Variants in TJP1 observed in about 807,000 individuals in gnomAD.
TJP1 encodes the protein tight junction protein 1, also known as tight junction protein ZO-1.
TJP1 carries 43 observed loss-of-function variants against 194.2 expected under a neutral mutation model. That is an observed-to-expected ratio of 0.22 (90% CI 0.17 to 0.29). The LOEUF (loss-of-function observed/expected upper bound fraction) is 0.29, where lower values mean the gene tolerates loss of function less well. TJP1 is among the 10% of genes least tolerant of loss of function. The probability of loss-of-function intolerance (pLI) is 1.00; values close to 1 mark genes in which losing one functional copy is unlikely to be tolerated. For missense variants in TJP1, 1,971 were observed against 2,185.7 expected, an observed-to-expected ratio of 0.90 and a Z score of 1.96; for synonymous variants, 801 against 779.0, an observed-to-expected ratio of 1.03 and a Z score of -0.47.
rs746419821 is a variant in TJP1, at chr15:29,734,355, T to A, written c.1435A>T (p.Ile479Leu). The change falls in exon 12 of 28, where the codon ATA becomes TTA. Residue 479 changes from isoleucine (I) to leucine (L), a missense_variant. Transcript: ENST00000614355. ...AGGAAAAGGACGGCTTCTTCTCTTA[T>A]GATATTTGTAAAATCTACGTTGTTT... Reference protein sequence around the residue: ...RVNNVDFTNIIREEAVLFLLD... With the variant: ...RVNNVDFTNILREEAVLFLLD... 8.7e-6 allele frequency: 14 copies of A among 1,613,100 alleles called. No homozygotes were observed. The highest frequency in any genetic ancestry group is 1.2e-5 in the Non-Finnish European group (14 of 1,179,552).
At chr15:29,720,972 A>C (rs745350445) in intron 18 of TJP1, among the ~76,000 whole-genome samples, 3 of 152,158 alleles carry the variant, frequency 2.0e-5, no homozygotes, top group Non-Finnish European at 4.4e-5. Context: ...CCAGCCCTGG[A>C]AGACAACGAA....
intron 2 of TJP1, among the ~76,000 whole-genome samples, chr15:29,945,320 T>C (rs985059070): frequency 6.6e-6 from 1 of 152,224 alleles, no homozygotes; most frequent in Non-Finnish European, 1.5e-5. Flanking sequence ...GTAAGAACTT[T>C]TATTCTAAGA....
chr15:29,708,650 C>T lies in TJP1; in HGVS notation c.4759G>A (p.Asp1587Asn). The change falls in exon 25 of 28, where the codon GAC (aspartate) becomes AAC (asparagine). Residue 1587 changes from aspartate (D) to asparagine (N), a missense_variant. Physicochemically the swap from Asp to Asn is conservative, Grantham distance 23. Coordinates refer to ENST00000614355, the MANE Select transcript of TJP1 (RefSeq NM_001330239.4). ...ATAGAGAAAGTTTCAACTCCACTGT[C>T]AAACTCAGGAGGCTGTGCCAAACTG... ...SHSLAQPPEF[D>N]SGVETFSIHA... 2 of 1,614,202 alleles carry T rather than the reference C, an allele frequency of 1.2e-6. No homozygotes were observed. Among genetic ancestry groups the T allele is most frequent in the Non-Finnish European group, 8.5e-7 (1 of 1,180,042 alleles).
intron 13 of TJP1, 53 bp downstream of exon 13, chr15:29,733,041 A>C: frequency 1.3e-6 from 2 of 1,564,430 alleles, no homozygotes; most frequent in Admixed American, 1.7e-5. Context: ...GATTGAAATG[A>C]TCTATCATCA....
intron 2 of TJP1, among the ~76,000 whole-genome samples, chr15:29,869,795 CTTTTTTTTTTTTT>C (rs11318770): frequency 2.1e-4 from 12 of 56,062 alleles, no homozygotes; most frequent in African/African-American, 6.0e-4. Context: ...TTCTTTCTTT[CTTTTTTTTTTTTT>C]TTTTTTTTTT....
At position 29,719,879 on chromosome 15, in the gene TJP1, G is replaced by T. The variant is rs750587547; in HGVS notation, c.2901C>A (p.Tyr967Ter). Residue 967 changes from tyrosine (Y) to a stop codon, truncating the protein, a stop_gained, in exon 20 of 28, where the codon TAC (tyrosine) becomes TAA (stop). Coordinates refer to ENST00000614355, the MANE Select transcript of TJP1 (RefSeq NM_001330239.4). LOFTEE classifies it high-confidence loss of function. ...EEPTPAPSTSYSPQADSLRTP... is the reference protein window; with the variant it reads ...EEPTPAPSTS ...TTCTTAAAGAATCAGCTTGTGGTGA[G>T]TAAGAGGTGGAAGGAGCTGGGGTGG... is the stretch of plus-strand genomic sequence containing the variant. The T allele has an allele frequency of 6.2e-7, 1 of 1,614,088 alleles. No individual in the cohort carries two copies.
chr15:29,734,428 T>A, intron 11 of TJP1, 46 bp from the exon 12 acceptor site: 1 of 1,392,280 alleles, frequency 7.2e-7, no homozygotes, highest in Non-Finnish European at 1.0e-6. Flanking sequence ...TTTAAGAATA[T>A]GAAAATAACA....
intron 2 of TJP1, among the ~76,000 whole-genome samples, chr15:29,930,378 C>G (rs1285912429): frequency 6.6e-6 from 1 of 152,140 alleles, no homozygotes; most frequent in Non-Finnish European, 1.5e-5. Context: ...ACACCATTGT[C>G]AAGTACAAGT....
At chr15:29,799,608 G>T (rs1012331550) in intron 2 of TJP1, among the ~76,000 whole-genome samples, 1 of 151,882 alleles carries the variant, frequency 6.6e-6, no homozygotes, top group Non-Finnish European at 1.5e-5. Context: ...GTACAGACAG[G>T]GTTTCACCAT....
chr15:29,922,114 C>T (rs547288680), intron 2 of TJP1, among the ~76,000 whole-genome samples: 2 of 152,040 alleles, frequency 1.3e-5, no homozygotes, highest in Admixed American at 6.5e-5. Flanking sequence ...CCCAAAGTGT[C>T]GGGATTACAG....
chr15:29,809,551 A>T (rs1438777955), intron 1 of TJP1, among the ~76,000 whole-genome samples: 1 of 152,202 alleles, frequency 6.6e-6, no homozygotes, highest in Non-Finnish European at 1.5e-5. Flanking sequence ...CACAATTAGA[A>T]AACACTAAAC....
At chr15:29,723,475 A>G (rs2043057774) in intron 18 of TJP1, among the ~76,000 whole-genome samples, 1 of 152,168 alleles carries the variant, frequency 6.6e-6, no homozygotes, top group South Asian at 2.1e-4. Flanking sequence ...CCTCCCCAGA[A>G]GCAGGAGCCT....
chr15:29,765,986 G>T (rs2046307313), intron 5 of TJP1, among the ~76,000 whole-genome samples: 1 of 152,190 alleles, frequency 6.6e-6, no homozygotes, highest in Non-Finnish European at 1.5e-5. Context: ...TCCATTTGGT[G>T]ATGGTGTGAC....
upstream of TJP1, among the ~76,000 whole-genome samples, chr15:29,824,261 T>C (rs1351629353): frequency 2.0e-5 from 3 of 151,336 alleles, no homozygotes; most frequent in East Asian, 1.9e-4. Context: ...CTGGCCGACA[T>C]GGTGAAACCC....
At chr15:29,756,950 T>C (rs1298311049) in intron 8 of TJP1, among the ~76,000 whole-genome samples, 2 of 152,200 alleles carry the variant, frequency 1.3e-5, no homozygotes, top group African/African-American at 4.8e-5. Context: ...TTCTAACTTA[T>C]GATACTATTA....
chr15:29,806,160 G>A (rs1402098814), intron 1 of TJP1, among the ~76,000 whole-genome samples: 1 of 152,232 alleles, frequency 6.6e-6, no homozygotes, highest in East Asian at 1.9e-4. Flanking sequence ...AAGTTAGTGA[G>A]AAGTGTGGGT....
intron 2 of TJP1, among the ~76,000 whole-genome samples, chr15:29,913,120 TACAA>T (rs2054073073): frequency 6.6e-6 from 1 of 151,818 alleles, no homozygotes; most frequent in Non-Finnish European, 1.5e-5. Flanking sequence ...CAAAAAGTTC[TACAA>T]ACTCACAGCA....
chr15:29,810,545 A>G (rs1238638322), intron 1 of TJP1, among the ~76,000 whole-genome samples: 1 of 152,164 alleles, frequency 6.6e-6, no homozygotes, highest in African/African-American at 2.4e-5. Flanking sequence ...TCTGCTGCTA[A>G]GCTGAATTTA....
At chr15:29,738,384 A>G (rs1422161607) in intron 10 of TJP1, among the ~76,000 whole-genome samples, 1 of 152,224 alleles carries the variant, frequency 6.6e-6, no homozygotes, top group Non-Finnish European at 1.5e-5. Flanking sequence ...AAAGTCAAAT[A>G]AATGAATGAA....
Sources: gnomAD v4.1 joint callset for allele counts (sites outside exome capture counted in the v4.1 genomes callset) on GRCh38, gnomAD v4.1.1 for gene constraint, MANE v1.5 for transcripts, NCBI Gene and HGNC (gene_info 2026-07-23, HGNC 2026-07-21) for gene names.